ZNRF1: variants seen among roughly 807,000 people sequenced by gnomAD.
ZNRF1 encodes E3 ubiquitin-protein ligase ZNRF1.
In ZNRF1, 3 loss-of-function variants were observed where a neutral mutation model predicts 18.4. The observed-to-expected ratio is 0.16, with a 90% CI of 0.07 to 0.42. The LOEUF (loss-of-function observed/expected upper bound fraction) is 0.42. Ranked by LOEUF, ZNRF1 falls within the 10% of genes least tolerant of loss-of-function variation. ZNRF1 has a pLI of 0.99. For synonymous variants in ZNRF1, 157 were observed against 144.2 expected (o/e 1.09, Z -0.64); for missense variants, 310 against 329.8 (o/e 0.94, Z 0.47).
rs1054116097 is a variant in ZNRF1, at chr16:75,050,363, C to A, written c.425-43209C>A. Among the ~76,000 whole-genome samples the A allele has an allele frequency of 5.3e-5, 8 of 151,838 alleles. No homozygotes were observed. In the South Asian group the frequency reaches 1.7e-3, roughly 32 times the overall value. On this transcript the variant is annotated intron_variant, in intron 1 of 4. Transcript: ENST00000335325. The stretch of plus-strand genomic sequence containing the variant: ...CAACATGGCAAAACCCTGTCTCTAC[C>A]CAAAATACAAAAATTAGCTGGGCGT...
At chr16:75,040,002 T>C (rs373948876) in intron 1 of ZNRF1, among the ~76,000 whole-genome samples, 4 of 151,724 alleles carry the variant, frequency 2.6e-5, no homozygotes, top group Non-Finnish European at 5.9e-5. Context: ...TATATAGTTA[T>C]GAAACCATCA....
intron 1 of ZNRF1, among the ~76,000 whole-genome samples, chr16:75,078,080 C>A (rs1025805571): frequency 5.3e-5 from 8 of 152,160 alleles, no homozygotes; most frequent in Non-Finnish European, 1.2e-4. Flanking sequence ...TGGTTGCACA[C>A]ATGTTCCCAT....
At chr16:75,062,498 A>C (rs556786119) in intron 1 of ZNRF1, among the ~76,000 whole-genome samples, 1 of 152,240 alleles carries the variant, frequency 6.6e-6, no homozygotes, top group African/African-American at 2.4e-5. Context: ...CTGTGTCTTT[A>C]CCTTTCCACA....
chr16:75,011,778 C>T (rs768271764), intron 1 of ZNRF1, among the ~76,000 whole-genome samples: 2 of 152,128 alleles, frequency 1.3e-5, no homozygotes, highest in Non-Finnish European at 2.9e-5. Flanking sequence ...TTTAATTGAT[C>T]CATTTCCTAC....
intron 4 of ZNRF1, 69 bp downstream of exon 4, chr16:75,106,640 T>G: frequency 7.4e-7 from 1 of 1,353,500 alleles, no homozygotes; most frequent in South Asian, 1.2e-5. Context: ...GCCTGCAGTT[T>G]AGGGAGCCGG....
chr16:75,059,652 C>G (rs1156917246), intron 1 of ZNRF1, among the ~76,000 whole-genome samples: 1 of 152,082 alleles, frequency 6.6e-6, no homozygotes, highest in Non-Finnish European at 1.5e-5. Flanking sequence ...GAAGTTTGTT[C>G]TCAGGTCTTA....
intron 1 of ZNRF1, among the ~76,000 whole-genome samples, chr16:75,022,856 C>T (rs1349231216): frequency 6.6e-6 from 1 of 152,160 alleles, no homozygotes. Context: ...TGCCCTTGTG[C>T]TGAGAGTCTA....
At chr16:75,079,246 C>T (rs574951606) in intron 1 of ZNRF1, among the ~76,000 whole-genome samples, 89 of 152,312 alleles carry the variant, frequency 5.8e-4, no homozygotes, top group African/African-American at 2.1e-3. Flanking sequence ...CTTTGGTAGG[C>T]TGAGGCGGGC....
In ZNRF1 at chr16:75,000,018, T is replaced by A. The variant is rs775483113; in HGVS notation, c.347T>A (p.Leu116Gln). The A allele has an allele frequency of 6.3e-7, 1 of 1,593,804 alleles. No homozygotes were observed. The highest frequency in any genetic ancestry group is 8.5e-7 in the Non-Finnish European group (1 of 1,171,468). The change falls in exon 1 of 5, where the codon CTG becomes CAG. Residue 116 changes from leucine (L) to glutamine (Q), a missense_variant. This residue lies in a region of ZNRF1 where 293 missense variants were observed against 291.2 expected (regional missense o/e 1.01). Coordinates refer to ENST00000335325, the MANE Select transcript of ZNRF1 (RefSeq NM_032268.5). ...GGCGGTCACCATAGAGACGGGATGC[T>A]GTACCTGGGCTCCCGAGCCTCGCTG... ...TGGGHHRDGMLYLGSRASLAD... is the reference protein window; with the variant it reads ...TGGGHHRDGMQYLGSRASLAD...
At position 75,110,569 on chromosome 16, in the gene ZNRF1, C is replaced by G. The variant is rs1442082621; in HGVS notation, c.*2869C>G. ...TGTGTAATTTAATTCCAAATAGTTC[C>G]CCCCAAAATACACAAAGCAAATAAG... On this transcript the variant is annotated 3_prime_UTR_variant, in exon 5 of 5. Transcript: ENST00000335325. 1 of 152,184 alleles carries G rather than the reference C, an allele frequency of 6.6e-6. No individual in the cohort carries two copies. The highest frequency in any genetic ancestry group is 2.4e-5 in the African/African-American group (1 of 41,440). The allele number at this position is 152,184 out of a possible 1,614,324, so 9.4% of individuals were successfully genotyped here.
chr16:75,096,304 C>T lies in ZNRF1; in HGVS notation c.520+2637C>T, dbSNP rs577987816. ...TCCTCATGTTCAGTCTTTGTCTTTT[C>T]TGAAGACCCTAAACCTTCCAGGTAA... On this transcript the variant is annotated intron_variant, in intron 2 of 4. Coordinates refer to ENST00000335325, the MANE Select transcript of ZNRF1 (RefSeq NM_032268.5). Among the ~76,000 whole-genome samples, 36 of 152,200 alleles carry T rather than the reference C, an allele frequency of 2.4e-4. 1 individual carries two copies. The South Asian group carries it at 5.2e-3, about 22-fold the overall frequency.
chr16:75,010,716 T>TG (rs1555509236), intron 1 of ZNRF1, among the ~76,000 whole-genome samples: 6 of 58,342 alleles, frequency 1.0e-4, no homozygotes, highest in South Asian at 6.8e-4. Flanking sequence ...TTTTTGTTTT[T>TG]TTGTTTTTTT....
chr16:75,022,012 A>G (rs751999675), intron 1 of ZNRF1, among the ~76,000 whole-genome samples: 4 of 152,026 alleles, frequency 2.6e-5, no homozygotes, highest in Non-Finnish European at 5.9e-5. Context: ...AGTTCTTTAT[A>G]TGCTTTACTA....
rs368357592 is a variant in ZNRF1 at position 75,039,686 on chromosome 16, C to G, written c.424+39591C>G. 4.5e-4 allele frequency among the ~76,000 whole-genome samples: 69 copies of G among 152,266 alleles called. 2 individuals are homozygous for G. The highest frequency in any genetic ancestry group is 1.7e-3 in the African/African-American group (69 of 41,548). On this transcript the variant is annotated intron_variant, in intron 1 of 4. Transcript: ENST00000335325. ...TTTTAGGAATGCAGATTTATGGGCC[C>G]CACCCCAGACCTACTGAATCCAGTG...
intron 2 of ZNRF1, among the ~76,000 whole-genome samples, chr16:75,098,415 A>C (rs565923514): frequency 6.6e-6 from 1 of 152,146 alleles, no homozygotes; most frequent in African/African-American, 2.4e-5. Flanking sequence ...CAGCTCACCA[A>C]AACAATTGCA....
chr16:75,002,793 C>A (rs2034869241), intron 1 of ZNRF1, among the ~76,000 whole-genome samples: 2 of 152,262 alleles, frequency 1.3e-5, no homozygotes, highest in Non-Finnish European at 2.9e-5. Context: ...AGGTTCCTGA[C>A]TTCCCTGTGC....
At chr16:75,060,677 A>G (rs555852515) in intron 1 of ZNRF1, among the ~76,000 whole-genome samples, 1 of 151,646 alleles carries the variant, frequency 6.6e-6, no homozygotes, top group African/African-American at 2.4e-5. Flanking sequence ...GGGTTTTGCC[A>G]TGTTGGCCAG....
chr16:75,104,633 C>A, intron 2 of ZNRF1, 151 bp from the exon 3 acceptor site: 2 of 597,570 alleles, frequency 3.3e-6, no homozygotes, highest in South Asian at 4.1e-5. Context: ...GTCTTAAGGT[C>A]AACGTCCCTC....
chr16:75,060,873 G>A (rs572139551), intron 1 of ZNRF1, among the ~76,000 whole-genome samples: 2 of 152,278 alleles, frequency 1.3e-5, no homozygotes, highest in South Asian at 4.1e-4. Context: ...GGGTACTGGA[G>A]TTTTGTAACT....
Sources: allele counts gnomAD v4.1 joint callset (sites outside exome capture counted in the v4.1 genomes callset), GRCh38; gene constraint gnomAD v4.1.1; regional missense constraint gnomAD v4.1.1; transcripts MANE v1.5; gene names NCBI Gene and HGNC (gene_info 2026-07-23, HGNC 2026-07-21).